SLC16A7: variants seen among roughly 807,000 people sequenced by gnomAD.
SLC16A7 encodes monocarboxylate transporter 2.
A neutral mutation model predicts 34.9 loss-of-function variants in SLC16A7; 33 were observed. The ratio of observed to expected loss-of-function variants is 0.94; its 90% CI spans 0.72 to 1.26. The LOEUF (loss-of-function observed/expected upper bound fraction) is 1.26, where lower values mean the gene tolerates loss of function less well. SLC16A7 is among the 50% of genes most tolerant of loss of function. The pLI, the probability that SLC16A7 is intolerant of heterozygous loss-of-function variation, is 0.00. For missense variants in SLC16A7, 573 were observed against 578.1 expected, an observed-to-expected ratio of 0.99 and a Z score of 0.09; for synonymous variants, 201 against 206.6, an observed-to-expected ratio of 0.97 and a Z score of 0.23.
At position 59,738,909 on chromosome 12, in the gene SLC16A7, A is replaced by C. The variant is rs566081238; in HGVS notation, c.218-32310A>C. ...TGCTATTTTTAAATTTATATCACTTACCCATTTATCTATGGAGAACTTACA... is the reference window on the plus strand; with the variant it reads ...TGCTATTTTTAAATTTATATCACTTCCCCATTTATCTATGGAGAACTTACA... On this transcript the variant is annotated intron_variant, in intron 3 of 5. Coordinates refer to ENST00000547379, the MANE Select transcript of SLC16A7 (RefSeq NM_001270623.2). Among the ~76,000 whole-genome samples the C allele has an allele frequency of 9.9e-5, 15 of 151,314 alleles. No individual in the cohort carries two copies. In the South Asian group the frequency reaches 3.1e-3, roughly 32 times the overall value.
At chr12:59,604,266 G>A (rs1223635380) in intron 1 of SLC16A7, among the ~76,000 whole-genome samples, 4 of 152,278 alleles carry the variant, frequency 2.6e-5, no homozygotes, top group South Asian at 2.1e-4. Context: ...TATATATAGC[G>A]ATCTACCTCT....
chr12:59,743,824 GA>G (rs1230680171), intron 3 of SLC16A7, among the ~76,000 whole-genome samples: 9 of 152,144 alleles, frequency 5.9e-5, no homozygotes, highest in African/African-American at 2.2e-4. Flanking sequence ...AAAAGACTTA[GA>G]TTCAAAGCCT....
chr12:59,785,961 C>T lies in SLC16A7; in HGVS notation c.*6282C>T, dbSNP rs181723394. 1.2e-3 allele frequency: 179 copies of T among 147,014 alleles called. 2 individuals are homozygous for T. Among genetic ancestry groups the T allele is most frequent in the African/African-American group, 4.0e-3 (157 of 39,668 alleles). The allele number at this position is 147,014 out of a possible 1,614,324, so 9.1% of individuals were successfully genotyped here. A position where few individuals can be genotyped will look rare whatever the true frequency, so the allele number is the denominator to read the frequency against. On this transcript the variant is annotated 3_prime_UTR_variant, in exon 6 of 6. Coordinates refer to ENST00000547379, the MANE Select transcript of SLC16A7 (RefSeq NM_001270623.2). ...CAAAAAACCAAACACCGCATATTCTCACTCATAGGTGGGAACTGAACAATG... is the reference window on the plus strand; with the variant it reads ...CAAAAAACCAAACACCGCATATTCTTACTCATAGGTGGGAACTGAACAATG...
chr12:59,741,521 G>T (rs1252527409), intron 3 of SLC16A7, among the ~76,000 whole-genome samples: 2 of 152,170 alleles, frequency 1.3e-5, no homozygotes, highest in Admixed American at 1.3e-4. Flanking sequence ...TACAGTGACG[G>T]GTTCTGCTCC....
intron 2 of SLC16A7, among the ~76,000 whole-genome samples, chr12:59,656,477 T>C (rs1868541395): frequency 6.6e-6 from 1 of 151,990 alleles, no homozygotes; most frequent in Non-Finnish European, 1.5e-5. Context: ...AGAATGCCAG[T>C]GGTGGCTTTC....
chr12:59,736,070 A>C, intron 3 of SLC16A7: 1 of 244,434 alleles, frequency 4.1e-6, no homozygotes, highest in South Asian at 5.2e-5. Flanking sequence ...GACACCATAC[A>C]ACTGTGAGAG....
chr12:59,764,213 C>T (rs1881304168), intron 3 of SLC16A7: 1 of 152,152 alleles, frequency 6.6e-6, no homozygotes, highest in Non-Finnish European at 1.5e-5. Context: ...GATCAAACCA[C>T]CCACAACATT....
At chr12:59,721,195 G>A (rs1345626263) in intron 3 of SLC16A7, among the ~76,000 whole-genome samples, 1 of 151,930 alleles carries the variant, frequency 6.6e-6, no homozygotes, top group African/African-American at 2.4e-5. Flanking sequence ...ATTCCCCAAA[G>A]CCACTGTCTT....
chr12:59,679,455 C>T (rs1050911566), intron 2 of SLC16A7, among the ~76,000 whole-genome samples: 7 of 152,188 alleles, frequency 4.6e-5, no homozygotes, highest in African/African-American at 1.7e-4. Context: ...CTGAACTTAT[C>T]CCAAGAGTTA....
chr12:59,753,286 C>T (rs12819806), intron 3 of SLC16A7, among the ~76,000 whole-genome samples: 11,808 of 152,188 alleles, frequency 0.078, 550 homozygotes, highest in Middle Eastern at 0.17. Context: ...GGACTAAATG[C>T]TCCAATTAAA....
intron 4 of SLC16A7, 58 bp downstream of exon 4, chr12:59,771,420 G>A: frequency 1.7e-6 from 2 of 1,187,146 alleles, no homozygotes; most frequent in African/African-American, 1.6e-5. Flanking sequence ...AAAGCTCTAT[G>A]AGAAGAATGA....
chr12:59,688,169 T>C (rs149788564), intron 2 of SLC16A7, among the ~76,000 whole-genome samples: 208 of 152,188 alleles, frequency 1.4e-3, no homozygotes, highest in African/African-American at 4.8e-3. Context: ...CTTCTTTTGA[T>C]AATTACCAAC....
chr12:59,766,212 A>G (rs924745207), intron 3 of SLC16A7, among the ~76,000 whole-genome samples: 1 of 152,214 alleles, frequency 6.6e-6, no homozygotes, highest in Non-Finnish European at 1.5e-5. Context: ...GTTGCTTATC[A>G]GCTTAAGGAG....
At chr12:59,639,294 C>T (rs2047386) in intron 1 of SLC16A7, among the ~76,000 whole-genome samples, 3,744 of 152,158 alleles carry the variant, frequency 0.025, 109 homozygotes, top group African/African-American at 0.068. Flanking sequence ...CCTAAAACTA[C>T]GATATCAAAC....
intron 3 of SLC16A7, among the ~76,000 whole-genome samples, chr12:59,755,028 G>T (rs1880129085): frequency 6.6e-6 from 1 of 152,212 alleles, no homozygotes; most frequent in South Asian, 2.1e-4. Flanking sequence ...CTCAATAGAT[G>T]TAGAAAAGGC....
At chr12:59,606,966 G>C (rs1005791935) in intron 1 of SLC16A7, among the ~76,000 whole-genome samples, 2 of 152,158 alleles carry the variant, frequency 1.3e-5, no homozygotes, top group African/African-American at 2.4e-5. Flanking sequence ...TTCTAGGATA[G>C]AGGTTGACAA....
In SLC16A7 at chr12:59,707,144, C is replaced by A. The variant is rs563754247; in HGVS notation, c.217+2126C>A. On this transcript the variant is annotated intron_variant, in intron 3 of 5. Coordinates refer to ENST00000547379, the MANE Select transcript of SLC16A7 (RefSeq NM_001270623.2). ...ATATGGACTATTTTAGGGGGTATGC[C>A]TGGGAGGAATAAACATTATTTCTGT... Among the ~76,000 whole-genome samples, 18 of 152,116 alleles carry A rather than the reference C, an allele frequency of 1.2e-4. No homozygotes were observed. The South Asian group carries it at 3.1e-3, about 26-fold the overall frequency.
intron 1 of SLC16A7, among the ~76,000 whole-genome samples, chr12:59,624,304 T>C (rs1404457352): frequency 2.0e-5 from 3 of 151,804 alleles, no homozygotes; most frequent in African/African-American, 7.2e-5. Flanking sequence ...CTTTTAATAA[T>C]AACTTACATA....
Position 59,629,624 on chromosome 12 carries a change from A to G in SLC16A7, c.-129-25528A>G, listed in dbSNP as rs544538863. On this transcript the variant is annotated intron_variant, in intron 1 of 5. Transcript: ENST00000547379. ...GCCATTGCTATAAAAGCCTTCCACT[A>G]TAAAGCACTTAAGAGGATGTGCCTA... Among the ~76,000 whole-genome samples, 5 of 152,134 alleles carry G rather than the reference A, an allele frequency of 3.3e-5. No individual in the cohort carries two copies. In the South Asian group the frequency reaches 1.0e-3, roughly 32 times the overall value.
Sources: gnomAD v4.1 joint callset for allele counts (sites outside exome capture counted in the v4.1 genomes callset) on GRCh38, gnomAD v4.1.1 for gene constraint, MANE v1.5 for transcripts, NCBI Gene and HGNC (gene_info 2026-07-23, HGNC 2026-07-21) for gene names.